Variants in PALM2AKAP2 observed in about 807,000 individuals in gnomAD.
PALM2AKAP2 encodes PALM2-AKAP2 fusion protein.
Under a neutral mutation model 71.5 loss-of-function variants are expected in PALM2AKAP2, and 37 were observed. The observed-to-expected ratio is 0.52, with a 90% CI of 0.40 to 0.68. The LOEUF (loss-of-function observed/expected upper bound fraction) is 0.68, where lower values mean the gene tolerates loss of function less well. Among genes scored for constraint, PALM2AKAP2 ranks in the 30% least tolerant of loss-of-function variants. PALM2AKAP2 has a pLI of 0.00. For missense variants in PALM2AKAP2, 1,224 were observed against 1,191.8 expected (o/e 1.03, Z -0.40); for synonymous variants, 468 against 478.8 (o/e 0.98, Z 0.29).
At chr9:110,145,891 CTTTTTTTTTTTTTT>C (rs61137720) in intron 2 of PALM2AKAP2, among the ~76,000 whole-genome samples, 10 of 64,454 alleles carry the variant, frequency 1.6e-4, no homozygotes, top group Non-Finnish European at 2.2e-4. Context: ...CCTCACTCTT[CTTTTTTTTTTTTTT>C]TTTTTTTTTT....
intron 1 of PALM2AKAP2, among the ~76,000 whole-genome samples, chr9:109,671,869 G>A (rs1827578572): frequency 6.6e-6 from 1 of 152,080 alleles, no homozygotes; most frequent in East Asian, 1.9e-4. Context: ...ATTGTGAATG[G>A]GAGTGCATTT....
At chr9:110,117,367 T>C (rs1835386169) in intron 1 of PALM2AKAP2, among the ~76,000 whole-genome samples, 1 of 152,078 alleles carries the variant, frequency 6.6e-6, no homozygotes, top group African/African-American at 2.4e-5. Context: ...TCAAGTTATC[T>C]TCCCACCTCA....
chr9:110,081,451 T>C (rs999218903), intron 1 of PALM2AKAP2, among the ~76,000 whole-genome samples: 2 of 152,228 alleles, frequency 1.3e-5, no homozygotes, highest in Non-Finnish European at 2.9e-5. Context: ...AGATTCCTTT[T>C]TTTAGATGTC....
At chr9:109,799,574 G>C (rs1827360909) in intron 1 of PALM2AKAP2, among the ~76,000 whole-genome samples, 1 of 152,190 alleles carries the variant, frequency 6.6e-6, no homozygotes, top group Non-Finnish European at 1.5e-5. Flanking sequence ...ACTCACTGCA[G>C]TCTTGACCAC....
intron 1 of PALM2AKAP2, among the ~76,000 whole-genome samples, chr9:109,814,967 C>T (rs59429851): frequency 6.6e-6 from 1 of 152,082 alleles, no homozygotes; most frequent in Non-Finnish European, 1.5e-5. Context: ...TGAGAGAGTA[C>T]TCCACTGTAG....
Position 109,647,907 on chromosome 9 carries a change from GC to G in PALM2AKAP2, c.5+7047del, listed in dbSNP as rs748413395. 2.0e-4 allele frequency among the ~76,000 whole-genome samples: 31 copies of G among 152,246 alleles called. No homozygotes were observed. In the East Asian group the frequency reaches 4.6e-3, roughly 23 times the overall value. On this transcript the variant is annotated intron_variant, in intron 1 of 6. Transcript: ENST00000374531. ...TGAGGAAATGAGCACATGTCACTTA[GC>G]CCCCCTTTTACCATTTGTTGCAGTT...
At chr9:109,957,660 C>A (rs527941337) in intron 6 of PALM2AKAP2, among the ~76,000 whole-genome samples, 3 of 152,336 alleles carry the variant, frequency 2.0e-5, no homozygotes, top group African/African-American at 7.2e-5. Flanking sequence ...CCTATTAATT[C>A]TCCCAGGAAG....
At chr9:109,851,123 G>A (rs1386974414) in intron 1 of PALM2AKAP2, among the ~76,000 whole-genome samples, 1 of 151,894 alleles carries the variant, frequency 6.6e-6, no homozygotes, top group Non-Finnish European at 1.5e-5. Flanking sequence ...CTTGCAGTGA[G>A]CCGAGATAGC....
At chr9:110,128,813 G>T (rs1564320425) in intron 1 of PALM2AKAP2, among the ~76,000 whole-genome samples, 3 of 152,336 alleles carry the variant, frequency 2.0e-5, no homozygotes, top group African/African-American at 4.8e-5. Flanking sequence ...AGGCAGACCT[G>T]CTAAGGAAAA....
intron 1 of PALM2AKAP2, among the ~76,000 whole-genome samples, chr9:109,708,413 A>C (rs1194896260): frequency 1.6e-4 from 25 of 152,208 alleles, no homozygotes; most frequent in Admixed American, 1.6e-3. Context: ...TAAACCCCAA[A>C]TTCTATGACA....
intron 1 of PALM2AKAP2, among the ~76,000 whole-genome samples, chr9:109,838,698 A>C (rs1267577352): frequency 6.6e-6 from 1 of 152,222 alleles, no homozygotes; most frequent in African/African-American, 2.4e-5. Flanking sequence ...AGGGGATGTC[A>C]CCACCAATCC....
chr9:109,944,493 T>G (rs928770813), intron 6 of PALM2AKAP2: 14 of 152,128 alleles, frequency 9.2e-5, no homozygotes, highest in African/African-American at 3.4e-4. Context: ...GCATCCATAC[T>G]CTTTTCTTTC....
chr9:110,159,745 A>G (rs7859427), intron 3 of PALM2AKAP2, among the ~76,000 whole-genome samples: 88,028 of 151,984 alleles, frequency 0.58, 26,703 homozygotes, highest in East Asian at 0.86. Context: ...AGCCCCCATC[A>G]GGGGTGTGGT....
At chr9:109,928,856 A>G (rs748405091) in intron 5 of PALM2AKAP2, among the ~76,000 whole-genome samples, 1 of 152,028 alleles carries the variant, frequency 6.6e-6, no homozygotes, top group Non-Finnish European at 1.5e-5. Flanking sequence ...TAGTAGAGAC[A>G]GGGTTTCACC....
chr9:109,647,558 T>C (rs1428619619), intron 1 of PALM2AKAP2, among the ~76,000 whole-genome samples: 1 of 152,188 alleles, frequency 6.6e-6, no homozygotes, highest in African/African-American at 2.4e-5. Context: ...ACATTGCCAT[T>C]CATCATGTTT....
chr9:109,707,265 C>A (rs546540227), intron 1 of PALM2AKAP2, among the ~76,000 whole-genome samples: 78 of 152,044 alleles, frequency 5.1e-4, no homozygotes, highest in Admixed American at 2.0e-3. Context: ...GTTTAGAGAA[C>A]TGCCCCCCTA....
chr9:109,962,401 A>C, intron 6 of PALM2AKAP2, among the ~76,000 whole-genome samples: 1 of 152,166 alleles, frequency 6.6e-6, no homozygotes, highest in East Asian at 1.9e-4. Flanking sequence ...CTGTTTTGTA[A>C]ATAAAGTTTT....
intron 1 of PALM2AKAP2, among the ~76,000 whole-genome samples, chr9:109,842,498 C>G (rs1212698112): frequency 2.0e-5 from 3 of 152,150 alleles, no homozygotes; most frequent in South Asian, 2.1e-4. Flanking sequence ...TTAAACTCAA[C>G]AAACCCTGTT....
chr9:109,950,735 A>G (rs55833145), intron 6 of PALM2AKAP2, among the ~76,000 whole-genome samples: 7,291 of 152,306 alleles, frequency 0.048, 277 homozygotes, highest in Admixed American at 0.11. Context: ...CATCACCAGA[A>G]TCTCTCCAAC....
Sources: gnomAD v4.1 joint callset for allele counts (sites outside exome capture counted in the v4.1 genomes callset) on GRCh38, gnomAD v4.1.1 for gene constraint, MANE v1.5 for transcripts, NCBI Gene and HGNC (gene_info 2026-07-23, HGNC 2026-07-21) for gene names.